The following HIGD1C variants were observed in gnomAD, a reference collection of about 807,000 sequenced individuals.
The protein encoded by HIGD1C is HIG1 hypoxia inducible domain family member 1C.
Under a neutral mutation model 13.1 loss-of-function variants are expected in HIGD1C, and 11 were observed. That is an observed-to-expected ratio of 0.84 (90% CI 0.53 to 1.39). The LOEUF is 1.39. Ranked by LOEUF, HIGD1C falls within the 40% of genes most tolerant of loss-of-function variation. HIGD1C has a pLI of 0.00. For synonymous variants in HIGD1C, 36 were observed against 37.7 expected (o/e 0.95, Z 0.17); for missense variants, 110 against 112.0 (o/e 0.98, Z 0.08).
At chr12:50,968,119 G>GGAGGAGGAGAAT in intron 2 of HIGD1C, among the ~76,000 whole-genome samples, 1 of 152,044 alleles carries the variant, frequency 6.6e-6, no homozygotes, top group South Asian at 2.1e-4. Flanking sequence ...AGGAGGAGGA[G>GGAGGAGGAGAAT]GAGGAGGAGA....
chr12:50,944,843 C>T, the HIGD1C span, among the ~76,000 whole-genome samples: 1 of 152,102 alleles, frequency 6.6e-6, no homozygotes, highest in African/African-American at 2.4e-5. Context: ...GTCGAGATTG[C>T]CCCACTGCAC....
the HIGD1C span, among the ~76,000 whole-genome samples, chr12:50,942,043 G>A: frequency 6.6e-6 from 1 of 152,008 alleles, no homozygotes; most frequent in African/African-American, 2.4e-5. Flanking sequence ...ACCATACCAG[G>A]CTAATTTTTT....
intron 2 of HIGD1C, among the ~76,000 whole-genome samples, chr12:50,969,032 C>T (rs893089637): frequency 5.9e-5 from 9 of 151,880 alleles, no homozygotes; most frequent in African/African-American, 2.2e-4. Flanking sequence ...CGGTGGCTCA[C>T]GCCTATAATC....
intron 1 of HIGD1C, among the ~76,000 whole-genome samples, chr12:50,957,646 A>G (rs1939149146): frequency 6.6e-6 from 1 of 151,852 alleles, no homozygotes; most frequent in Non-Finnish European, 1.5e-5. Flanking sequence ...GCACTTTGGG[A>G]GGCCGAGGTG....
chr12:50,931,970 G>A, the HIGD1C span: 1 of 152,148 alleles, frequency 6.6e-6, no homozygotes, highest in African/African-American at 2.4e-5. Flanking sequence ...ACCTAGTTCT[G>A]CCCAGCTTTA....
intron 2 of HIGD1C, among the ~76,000 whole-genome samples, chr12:50,966,992 CT>C (rs1367206187): frequency 1.3e-5 from 2 of 152,040 alleles, no homozygotes; most frequent in African/African-American, 2.4e-5. Context: ...TGGCATGTGC[CT>C]GTAATCCCTG....
At chr12:50,941,063 C>T in the HIGD1C span, among the ~76,000 whole-genome samples, 1 of 152,148 alleles carries the variant, frequency 6.6e-6, no homozygotes, top group Non-Finnish European at 1.5e-5. Context: ...TGAGGTCTCA[C>T]TGTATTGCCC....
intron 2 of HIGD1C, among the ~76,000 whole-genome samples, chr12:50,968,899 TA>T (rs1048465530): frequency 2.0e-5 from 3 of 147,316 alleles, no homozygotes; most frequent in African/African-American, 7.6e-5. Flanking sequence ...GGCTGGTCTC[TA>T]ACTCCTGGCC....
the HIGD1C span, chr12:50,932,393 G>C: frequency 2.0e-5 from 3 of 152,130 alleles, no homozygotes; most frequent in Non-Finnish European, 4.4e-5. Flanking sequence ...AATATTTTCT[G>C]CAATGGTTTG....
intron 2 of HIGD1C, among the ~76,000 whole-genome samples, chr12:50,962,417 A>T (rs1465958792): frequency 1.3e-5 from 2 of 150,978 alleles, no homozygotes; most frequent in Non-Finnish European, 1.5e-5. Context: ...ATCTAAAAAA[A>T]AGCCAGGCAC....
intron 2 of HIGD1C, among the ~76,000 whole-genome samples, chr12:50,968,977 C>T (rs1028700090): frequency 1.3e-5 from 2 of 152,168 alleles, no homozygotes; most frequent in African/African-American, 2.4e-5. Flanking sequence ...CCACCACGCA[C>T]CGCATTTATA....
chr12:50,970,290 T>C (rs1939715322), intron 2 of HIGD1C, among the ~76,000 whole-genome samples, 152 bp from the exon 5 acceptor site: 1 of 152,208 alleles, frequency 6.6e-6, no homozygotes, highest in Admixed American at 6.5e-5. Flanking sequence ...TAGAGTCACT[T>C]GTATGATCCA....
At chr12:50,938,392 G>T in the HIGD1C span, among the ~76,000 whole-genome samples, 1 of 152,222 alleles carries the variant, frequency 6.6e-6, no homozygotes, top group Non-Finnish European at 1.5e-5. Context: ...GTAGAGGCCA[G>T]GGAGCAGGCA....
intron 1 of HIGD1C, 51 bp downstream of exon 3, chr12:50,954,143 C>T: frequency 3.7e-6 from 4 of 1,084,898 alleles, no homozygotes; most frequent in East Asian, 2.4e-5. Context: ...CACAATGATG[C>T]CTTACCCAGT....
At chr12:50,931,496 T>C in the HIGD1C span, 1 of 145,010 alleles carries the variant, frequency 6.9e-6, no homozygotes, top group African/African-American at 2.6e-5. Context: ...GATCACGAGG[T>C]AGGAGTTAAA....
upstream of HIGD1C, among the ~76,000 whole-genome samples, chr12:50,951,815 G>A (rs964562947): frequency 1.7e-4 from 26 of 151,600 alleles, no homozygotes; most frequent in African/African-American, 6.1e-4. Flanking sequence ...CTAGCTACTC[G>A]GGAGGCTGAG....
upstream of HIGD1C, among the ~76,000 whole-genome samples, chr12:50,950,507 T>C (rs905125403): frequency 6.6e-6 from 1 of 151,782 alleles, no homozygotes; most frequent in South Asian, 2.1e-4. Flanking sequence ...TACTAATAAA[T>C]GGTTGTTTGT....
the HIGD1C span, among the ~76,000 whole-genome samples, chr12:50,933,954 C>T: frequency 0.014 from 2,068 of 152,338 alleles, 49 homozygotes; most frequent in African/African-American, 0.046. Flanking sequence ...GATCATGCCT[C>T]ATTACCCTAT....
At chr12:50,935,916 G>C in the HIGD1C span, among the ~76,000 whole-genome samples, 4 of 152,128 alleles carry the variant, frequency 2.6e-5, no homozygotes, top group Admixed American at 6.5e-5. Context: ...CCTGCACTTT[G>C]GGAGGCCAAG....
Sources: allele counts gnomAD v4.1 joint callset (sites outside exome capture counted in the v4.1 genomes callset), GRCh38; gene constraint gnomAD v4.1.1; transcripts MANE v1.5; gene names NCBI Gene and HGNC (gene_info 2026-07-23, HGNC 2026-07-21).